The following DCT variants were observed in gnomAD, a reference collection of about 807,000 sequenced individuals.
DCT encodes L-dopachrome tautomerase.
DCT carries 47 observed loss-of-function variants against 53.0 expected under a neutral mutation model. The observed-to-expected ratio is 0.89, with a 90% CI of 0.70 to 1.13. The LOEUF (loss-of-function observed/expected upper bound fraction) is 1.13. Among genes scored for constraint, DCT ranks in the 50% most tolerant of loss-of-function variants. The pLI is 0.00. For missense variants in DCT, 669 were observed against 637.4 expected (o/e 1.05, Z -0.53); for synonymous variants, 244 against 237.0 (o/e 1.03, Z -0.27).
chr13:94,462,826 G>A (rs987930429), intron 4 of DCT, among the ~76,000 whole-genome samples: 5 of 152,190 alleles, frequency 3.3e-5, no homozygotes, highest in African/African-American at 1.2e-4. Context: ...TAACTGAAGG[G>A]AGAATAGGGT....
At chr13:94,542,601 AT>A in the DCT span, among the ~76,000 whole-genome samples, 1 of 152,126 alleles carries the variant, frequency 6.6e-6, no homozygotes, top group African/African-American at 2.4e-5. Flanking sequence ...CTCCTGCTTC[AT>A]GCGTTCAATT....
At chr13:94,460,726 C>T (rs9590014) in intron 5 of DCT, among the ~76,000 whole-genome samples, 10,223 of 152,080 alleles carry the variant, frequency 0.067, 436 homozygotes, top group African/African-American at 0.12. Context: ...TGCCACTGCA[C>T]TCTACCCTAG....
the DCT span, among the ~76,000 whole-genome samples, chr13:94,517,432 G>A: frequency 4.6e-5 from 7 of 152,018 alleles, no homozygotes; most frequent in Admixed American, 3.3e-4. Context: ...CTGAAACTGT[G>A]TCATTTTCAA....
rs761281483 is a variant in DCT, at chr13:94,465,837, C to A, written c.697-38G>T. 1.9e-6 allele frequency: 3 copies of A among 1,570,124 alleles called. No homozygotes were observed. The South Asian group carries it at 3.4e-5, about 18-fold the overall frequency. On this transcript the variant is annotated intron_variant, in intron 3 of 7. Coordinates refer to ENST00000377028, the MANE Select transcript of DCT (RefSeq NM_001922.5). ...GGCAGGCCTAGTCATTTAATCCATG[C>A]CATCAGATACAACAAGAAAGCATAC...
chr13:94,454,231 T>C (rs142005898), intron 6 of DCT, among the ~76,000 whole-genome samples: 1 of 152,194 alleles, frequency 6.6e-6, no homozygotes, highest in Non-Finnish European at 1.5e-5. Flanking sequence ...AGCTGTTTAG[T>C]ATTAATTATG....
intron 7 of DCT, among the ~76,000 whole-genome samples, chr13:94,440,681 T>G (rs2139267367): frequency 6.9e-6 from 1 of 144,166 alleles, no homozygotes; most frequent in African/African-American, 2.6e-5. Flanking sequence ...TTTTGGTTTT[T>G]TTTTTTTTTT....
At chr13:94,527,119 G>A in the DCT span, among the ~76,000 whole-genome samples, 1 of 152,172 alleles carries the variant, frequency 6.6e-6, no homozygotes, top group Non-Finnish European at 1.5e-5. Context: ...TAAACAAAGA[G>A]GCCAGGAAGC....
At chr13:94,453,475 A>G (rs1176133682) in intron 6 of DCT, among the ~76,000 whole-genome samples, 2 of 152,216 alleles carry the variant, frequency 1.3e-5, no homozygotes, top group South Asian at 4.1e-4. Context: ...ATTTTTTTAC[A>G]ATATTAGTCT....
At chr13:94,540,452 C>T in the DCT span, among the ~76,000 whole-genome samples, 1 of 152,092 alleles carries the variant, frequency 6.6e-6, no homozygotes, top group Non-Finnish European at 1.5e-5. Context: ...ACTCAAAGAA[C>T]TCAATAGCAA....
chr13:94,505,775 T>G, the DCT span, among the ~76,000 whole-genome samples: 2 of 152,228 alleles, frequency 1.3e-5, no homozygotes, highest in Admixed American at 1.3e-4. Flanking sequence ...TTGAACAATT[T>G]GATAAAGCAA....
the DCT span, among the ~76,000 whole-genome samples, chr13:94,524,952 A>G: frequency 6.6e-6 from 1 of 152,188 alleles, no homozygotes; most frequent in Admixed American, 6.5e-5. Flanking sequence ...AGATGAAGAC[A>G]GATCAGATAA....
rs890825565 is a variant in DCT, at chr13:94,438,443, A to G, written c.*1455T>C. On this transcript the variant is annotated 3_prime_UTR_variant, in exon 8 of 8. Coordinates refer to ENST00000377028, the MANE Select transcript of DCT (RefSeq NM_001922.5). ...TCTCTGGCTTTAGCAGTCCTTTTGC[A>G]TGGGGTAAACTGGTTCTTGATGAGT... 6.7e-6 allele frequency: 2 copies of G among 297,472 alleles called. No individual in the cohort carries two copies. Among genetic ancestry groups the G allele is most frequent in the Non-Finnish European group, 1.3e-5 (2 of 150,046 alleles). The allele number at this position is 297,472 out of a possible 1,614,324, so 18.4% of individuals were successfully genotyped here. A position where few individuals can be genotyped will look rare whatever the true frequency, so the allele number is the denominator to read the frequency against.
At chr13:94,458,865 T>A (rs184603817) in intron 6 of DCT, among the ~76,000 whole-genome samples, 3 of 152,148 alleles carry the variant, frequency 2.0e-5, no homozygotes, top group Admixed American at 2.0e-4. Flanking sequence ...AATCCTATTG[T>A]CAAGTTTTGT....
At chr13:94,499,643 A>C in the DCT span, among the ~76,000 whole-genome samples, 1 of 152,212 alleles carries the variant, frequency 6.6e-6, no homozygotes, top group Non-Finnish European at 1.5e-5. Flanking sequence ...AGCAAAGTGC[A>C]CCATCGGTGG....
chr13:94,460,872 G>A (rs921497765), intron 5 of DCT, among the ~76,000 whole-genome samples: 5 of 152,156 alleles, frequency 3.3e-5, no homozygotes, highest in African/African-American at 1.2e-4. Flanking sequence ...AAAAGGGGAT[G>A]GTAGATAGAT....
In DCT at chr13:94,443,706, C is replaced by T. The variant is rs1594272161; in HGVS notation, c.1180-69G>A. 4.7e-6 allele frequency: 6 copies of T among 1,273,242 alleles called. No homozygotes were observed. In the East Asian group the frequency reaches 1.2e-4, roughly 25 times the overall value. The allele number at this position is 1,273,242 out of a possible 1,614,324, so 78.9% of individuals were successfully genotyped here. A position where few individuals can be genotyped will look rare whatever the true frequency, so the allele number is the denominator to read the frequency against. ...TCCGATCACACCAACCTGACTGTTG[C>T]TTTCTCTAAAGTGGAATAACTTCTT... On this transcript the variant is annotated intron_variant, in intron 6 of 7. Transcript: ENST00000377028.
At chr13:94,452,803 G>A (rs1409454406) in intron 6 of DCT, 6 of 479,704 alleles carry the variant, frequency 1.3e-5, no homozygotes, top group Admixed American at 4.2e-5. Flanking sequence ...AAATGATTTG[G>A]AATAAGTTAA....
intron 6 of DCT, among the ~76,000 whole-genome samples, chr13:94,448,923 T>C (rs953308932): frequency 1.3e-5 from 2 of 151,566 alleles, no homozygotes; most frequent in African/African-American, 2.4e-5. Context: ...ATAATAATAA[T>C]AAATAAATAA....
the DCT span, among the ~76,000 whole-genome samples, chr13:94,538,970 C>T: frequency 6.6e-6 from 1 of 152,176 alleles, no homozygotes; most frequent in African/African-American, 2.4e-5. Context: ...TATCAGCCCA[C>T]ACCCCTCCAG....
Sources: gnomAD v4.1 joint callset for allele counts (sites outside exome capture counted in the v4.1 genomes callset) on GRCh38, gnomAD v4.1.1 for gene constraint, MANE v1.5 for transcripts, NCBI Gene and HGNC (gene_info 2026-07-23, HGNC 2026-07-21) for gene names.